PDHA1: variants seen among roughly 807,000 people sequenced by gnomAD.
PDHA1 encodes the protein pyruvate dehydrogenase E1 component subunit alpha, somatic form, mitochondrial.
A neutral mutation model predicts 33.0 loss-of-function variants in PDHA1; 1 was observed. The observed-to-expected ratio is 0.03, with a 90% CI of 0.01 to 0.14. The LOEUF is 0.14. Ranked by LOEUF, PDHA1 falls within the 10% of genes least tolerant of loss-of-function variation. The probability of loss-of-function intolerance (pLI) is 1.00; values close to 1 mark genes in which losing one functional copy is unlikely to be tolerated. For synonymous variants in PDHA1, 123 were observed against 119.2 expected (o/e 1.03, Z -0.21); for missense variants, 168 against 325.1 (o/e 0.52, Z 3.72).
intron 8 of PDHA1, among the ~76,000 whole-genome samples, chrX:19,356,143 ATG>A (rs1283973896): frequency 2.7e-5 from 3 of 111,741 alleles, no homozygotes; most frequent in Non-Finnish European, 3.8e-5. Flanking sequence ...GGCATTTAAT[ATG>A]TGTGTCTTAT....
rs778207227 is a variant in PDHA1, at chrX:19,360,178, C to G, written c.*525C>G. On this transcript the variant is annotated 3_prime_UTR_variant, in exon 11 of 11. Transcript: ENST00000422285. ...CACATAACTTAGTTTTCTCTACTTA[C>G]ACATTCAGTATAAATATGAAGCTAT... 566 of 148,505 alleles carry G rather than the reference C, an allele frequency of 3.8e-3. 1 individual carries two copies. Among genetic ancestry groups the G allele is most frequent in the Non-Finnish European group, 5.3e-3 (403 of 76,165 alleles). The allele number at this position is 148,505 out of a possible 1,213,427, so 12.2% of individuals were successfully genotyped here.
intron 3 of PDHA1, 131 bp downstream of exon 3, chrX:19,350,241 A>AT (rs2063156117): frequency 3.6e-6 from 2 of 549,027 alleles, no homozygotes; most frequent in South Asian, 2.6e-5. Flanking sequence ...TTATTTATTT[A>AT]TTTTTTTGAG....
chrX:19,359,344 T>G, intron 10 of PDHA1, 145 bp from the exon 11 acceptor site: 1 of 535,798 alleles, frequency 1.9e-6, no homozygotes, highest in South Asian at 2.7e-5. Flanking sequence ...ACCCTAGAAA[T>G]CTGTATTCCA....
chrX:19,358,188 G>T (rs1037626903), intron 9 of PDHA1, among the ~76,000 whole-genome samples: 4 of 112,019 alleles, frequency 3.6e-5, no homozygotes, highest in African/African-American at 1.3e-4. Flanking sequence ...CACTAGGAAG[G>T]CATGAATTTT....
intron 9 of PDHA1, 40 bp from the exon 10 acceptor site, chrX:19,358,876 C>T (rs373830435): frequency 2.6e-6 from 2 of 777,684 alleles, no homozygotes; most frequent in South Asian, 2.1e-5. Context: ...TCTACTGGAA[C>T]TGCTCTTACT....
At chrX:19,358,859 T>C in intron 9 of PDHA1, 57 bp from the exon 10 acceptor site, 2 of 661,520 alleles carry the variant, frequency 3.0e-6, no homozygotes, top group Non-Finnish European at 5.1e-6. Flanking sequence ...CATCACGCCG[T>C]CCTTGCTCTA....
intron 2 of PDHA1, 94 bp from the exon 3 acceptor site, chrX:19,349,843 T>A (rs929754349): frequency 5.6e-6 from 4 of 713,752 alleles, no homozygotes; most frequent in Non-Finnish European, 8.9e-6. Context: ...TTTTTCAAGT[T>A]CAATATTATT....
chrX:19,343,954 G>C lies in PDHA1; in HGVS notation c.-84G>C. ...TGCGACTGAGGCGTGGCGTCTGCTG[G>C]GGCACCTGAAGGAGACTTGGGGGCA... On this transcript the variant is annotated 5_prime_UTR_variant, in exon 1 of 11. Coordinates refer to ENST00000422285, the MANE Select transcript of PDHA1 (RefSeq NM_000284.4). 1 of 875,402 alleles carries C rather than the reference G, an allele frequency of 1.1e-6. No individual in the cohort carries two copies. Among genetic ancestry groups the C allele is most frequent in the Non-Finnish European group, 1.7e-6 (1 of 597,599 alleles). The allele number at this position is 875,402 out of a possible 1,213,427, so 72.1% of individuals were successfully genotyped here. A position where few individuals can be genotyped will look rare whatever the true frequency, so the allele number is the denominator to read the frequency against.
Position 19,359,582 on chromosome X carries a change from A to G in PDHA1, c.1102A>G (p.Ile368Val). 2 of 1,210,969 alleles carry G rather than the reference A, an allele frequency of 1.7e-6. No individual in the cohort carries two copies. The highest frequency in any genetic ancestry group is 2.2e-6 in the Non-Finnish European group (2 of 894,780). Residue 368 changes from isoleucine to valine, a missense_variant, in exon 11 of 11, where the codon ATC (isoleucine) becomes GTC (valine). Around this residue, in one of 5 missense-constraint regions of PDHA1, gnomAD observed 58 missense variants for 63.4 expected, o/e 0.92. Transcript: ENST00000422285. Reference sequence around the variant, plus strand: ...ACCTTTGGAAGAGCTGGGCTACCACATCTACTCCAGCGACCCACCTTTTGA... The same window carrying G: ...ACCTTTGGAAGAGCTGGGCTACCACGTCTACTCCAGCGACCCACCTTTTGA... The part of the protein sequence containing the change: ...EPPLEELGYH[I>V]YSSDPPFEVR...
chrX:19,349,436 TTAGAA>T (rs2063152045), intron 2 of PDHA1, 65 bp downstream of exon 2: 1 of 665,662 alleles, frequency 1.5e-6, no homozygotes, highest in Admixed American at 2.3e-5. Flanking sequence ...AGTTTTACCT[TTAGAA>T]TAGAACATTT....
Position 19,361,404 on chromosome X carries a change from C to T in PDHA1, c.*1751C>T, listed in dbSNP as rs1410645400. ...TAAGAATATCCGAAAGTGTATAACC[C>T]TCTTCAACAATCTGAAACAAAGATC... On this transcript the variant is annotated 3_prime_UTR_variant, in exon 11 of 11. Coordinates refer to ENST00000422285, the MANE Select transcript of PDHA1 (RefSeq NM_000284.4). 3.3e-6 allele frequency: 4 copies of T among 1,206,204 alleles called. No individual in the cohort carries two copies. In the East Asian group the frequency reaches 8.9e-5, roughly 27 times the overall value.
rs1447691974 is a variant in PDHA1 at position 19,360,051 on chromosome X, C to T, written c.*398C>T. On this transcript the variant is annotated 3_prime_UTR_variant, in exon 11 of 11. Coordinates refer to ENST00000422285, the MANE Select transcript of PDHA1 (RefSeq NM_000284.4). ...GGTGCTGCAGCCTGTTCGCGCTGAC[C>T]ATTTCTCTACAAGATACAATATTTA... The T allele has an allele frequency of 1.1e-5, 2 of 186,796 alleles. No homozygotes were observed. Among genetic ancestry groups the T allele is most frequent in the Non-Finnish European group, 8.5e-6 (1 of 117,327 alleles). The allele number at this position is 186,796 out of a possible 1,213,427, so 15.4% of individuals were successfully genotyped here.
chrX:19,353,639 T>TAAAG (rs2063177237), intron 5 of PDHA1, among the ~76,000 whole-genome samples: 1 of 111,971 alleles, frequency 8.9e-6, no homozygotes, highest in Admixed American at 9.5e-5. Context: ...GGTTTGCTTT[T>TAAAG]AAAGACCTAG....
At chrX:19,348,048 C>G (rs2063144420) in intron 1 of PDHA1, among the ~76,000 whole-genome samples, 1 of 112,595 alleles carries the variant, frequency 8.9e-6, no homozygotes, top group Non-Finnish European at 1.9e-5. Flanking sequence ...TCACCAAGAT[C>G]AGTCCAGTGC....
intron 1 of PDHA1, among the ~76,000 whole-genome samples, chrX:19,347,969 C>A (rs965364383): frequency 8.9e-6 from 1 of 112,314 alleles, no homozygotes; most frequent in Non-Finnish European, 1.9e-5. Context: ...TGAAGATATA[C>A]GTAATTAGCT....
At chrX:19,356,054 C>T (rs760801239) in intron 8 of PDHA1, among the ~76,000 whole-genome samples, 19 of 111,865 alleles carry the variant, frequency 1.7e-4, no homozygotes, top group Non-Finnish European at 3.2e-4. Flanking sequence ...CCTCCCCACC[C>T]CCCATTAATC....
At chrX:19,351,669 A>C (rs1346242455) in intron 4 of PDHA1, among the ~76,000 whole-genome samples, 1 of 110,962 alleles carries the variant, frequency 9.0e-6, no homozygotes, top group African/African-American at 3.3e-5. Context: ...AGCATGCCAG[A>C]AGAAGTCTAG....
chrX:19,356,152 T>G (rs762798959), intron 8 of PDHA1, among the ~76,000 whole-genome samples: 1 of 112,063 alleles, frequency 8.9e-6, no homozygotes, highest in Non-Finnish European at 1.9e-5. Flanking sequence ...TATGTGTGTC[T>G]TATACAAATT....
At chrX:19,356,104 G>A (rs1355072187) in intron 8 of PDHA1, among the ~76,000 whole-genome samples, 1 of 111,417 alleles carries the variant, frequency 9.0e-6, no homozygotes, top group Non-Finnish European at 1.9e-5. Flanking sequence ...TCCCCACAGT[G>A]TCCAGCATAG....
Sources: allele counts gnomAD v4.1 joint callset (sites outside exome capture counted in the v4.1 genomes callset), GRCh38; gene constraint gnomAD v4.1.1; regional missense constraint gnomAD v4.1.1; transcripts MANE v1.5; gene names NCBI Gene and HGNC (gene_info 2026-07-23, HGNC 2026-07-21).